GLMN: variants seen among roughly 807,000 people sequenced by gnomAD.
GLMN encodes glomulin, FKBP associated protein.
Under a neutral mutation model 87.8 loss-of-function variants are expected in GLMN, and 75 were observed. The observed-to-expected ratio is 0.85, with a 90% confidence interval of 0.71 to 1.04. The LOEUF is 1.04. GLMN is among the 50% of genes least tolerant of loss of function. The pLI, the probability that GLMN is intolerant of heterozygous loss-of-function variation, is 0.00. For synonymous variants in GLMN, 206 were observed against 221.6 expected (o/e 0.93, Z 0.63); for missense variants, 588 against 658.8 (o/e 0.89, Z 1.18).
chr1:92,282,914 A>G (rs931463173), intron 7 of GLMN, among the ~76,000 whole-genome samples: 7 of 152,340 alleles, frequency 4.6e-5, no homozygotes, highest in African/African-American at 1.7e-4. Context: ...ACACCCTCCC[A>G]AGACTAAACC....
At chr1:92,257,283 C>G (rs1002066448) in intron 16 of GLMN, among the ~76,000 whole-genome samples, 3 of 152,030 alleles carry the variant, frequency 2.0e-5, no homozygotes, top group Non-Finnish European at 2.9e-5. Flanking sequence ...CCATGCTCAT[C>G]GGTAGGAAGA....
intron 7 of GLMN, among the ~76,000 whole-genome samples, chr1:92,273,270 G>GTC (rs1656438175): frequency 6.6e-6 from 1 of 152,104 alleles, no homozygotes; most frequent in Non-Finnish European, 1.5e-5. Context: ...GCTATTCAGC[G>GTC]ACCAGATGCT....
intron 7 of GLMN, 46 bp from the exon 8 acceptor site, chr1:92,271,698 A>C: frequency 2.3e-6 from 3 of 1,298,136 alleles, no homozygotes; most frequent in Non-Finnish European, 3.4e-6. Context: ...AGACTCTAAA[A>C]TGCCCCCCAC....
the GLMN span, among the ~76,000 whole-genome samples, chr1:92,322,428 C>T: frequency 6.6e-6 from 1 of 151,216 alleles, no homozygotes; most frequent in Non-Finnish European, 1.5e-5. Flanking sequence ...CCTGTAATCC[C>T]AGCTACTTGG....
At chr1:92,315,522 C>A in the GLMN span, among the ~76,000 whole-genome samples, 1 of 152,010 alleles carries the variant, frequency 6.6e-6, no homozygotes, top group Non-Finnish European at 1.5e-5. Flanking sequence ...ATTTGCAAAG[C>A]GCAGTAAAGG....
the GLMN span, among the ~76,000 whole-genome samples, chr1:92,304,903 A>G: frequency 6.6e-6 from 1 of 152,096 alleles, no homozygotes; most frequent in Admixed American, 6.6e-5. Flanking sequence ...TGGGAGGCCA[A>G]GGGGGGCGGA....
At chr1:92,279,247 G>A (rs1343105206) in intron 7 of GLMN, among the ~76,000 whole-genome samples, 1 of 152,110 alleles carries the variant, frequency 6.6e-6, no homozygotes, top group Non-Finnish European at 1.5e-5. Flanking sequence ...CGTGAGGTCA[G>A]GAGTTTGAGA....
In GLMN at chr1:92,298,977, C is replaced by G. The variant is rs1368456486; in HGVS notation, c.-83G>C. 2 of 557,502 alleles carry G rather than the reference C, an allele frequency of 3.6e-6. No individual in the cohort carries two copies. Among genetic ancestry groups the G allele is most frequent in the Non-Finnish European group, 6.2e-6 (2 of 323,284 alleles). The allele number at this position is 557,502 out of a possible 1,614,324, so 34.5% of individuals were successfully genotyped here. A position where few individuals can be genotyped will look rare whatever the true frequency, so the allele number is the denominator to read the frequency against. On this transcript the variant is annotated 5_prime_UTR_variant, in exon 1 of 19. Transcript: ENST00000370360. ...GCCGCCACCTCCTCCGGCGTCTTAGCCCGCTCTTCTGGCCCCGCCCCGCGC... is the reference window on the plus strand; with the variant it reads ...GCCGCCACCTCCTCCGGCGTCTTAGGCCGCTCTTCTGGCCCCGCCCCGCGC...
At chr1:92,278,996 T>C (rs72958762) in intron 7 of GLMN, among the ~76,000 whole-genome samples, 1,638 of 152,306 alleles carry the variant, frequency 0.011, 34 homozygotes, top group African/African-American at 0.038. Context: ...TACACCTATT[T>C]TTTCAGTTCA....
At chr1:92,349,460 TG>T in the GLMN span, among the ~76,000 whole-genome samples, 1 of 152,170 alleles carries the variant, frequency 6.6e-6, no homozygotes, top group Non-Finnish European at 1.5e-5. Context: ...GTCTAACTCT[TG>T]TTAAAGGGGG....
chr1:92,255,518 CCCT>C (rs1170438307), intron 16 of GLMN, among the ~76,000 whole-genome samples: 19 of 152,080 alleles, frequency 1.2e-4, no homozygotes, highest in Admixed American at 1.2e-3. Context: ...GTAAAACACT[CCCT>C]CCTCAGCAAA....
intron 7 of GLMN, among the ~76,000 whole-genome samples, chr1:92,282,333 C>A (rs765101283): frequency 3.3e-4 from 51 of 152,292 alleles, no homozygotes; most frequent in Admixed American, 9.2e-4. Context: ...CTCAAAACTG[C>A]ACAACTACAT....
chr1:92,304,210 T>A, the GLMN span: 1 of 1,172,528 alleles, frequency 8.5e-7, no homozygotes, highest in Non-Finnish European at 1.3e-6. Flanking sequence ...GATATGTAGA[T>A]GACTTAATCT....
chr1:92,348,279 C>A, the GLMN span, among the ~76,000 whole-genome samples: 1 of 152,208 alleles, frequency 6.6e-6, no homozygotes, highest in South Asian at 2.1e-4. Flanking sequence ...ATGCCCTAAT[C>A]CCTACCTCTA....
intron 7 of GLMN, among the ~76,000 whole-genome samples, chr1:92,280,705 G>T (rs1037778140): frequency 2.6e-5 from 4 of 151,874 alleles, no homozygotes; most frequent in Non-Finnish European, 4.4e-5. Flanking sequence ...ATCACAAGGA[G>T]GATAAAAACC....
In GLMN at chr1:92,268,009, A is replaced by G. The variant is rs920094946; in HGVS notation, c.1009-7T>C. ...AACTATTCTCCAGCAGCTCCTACAG[A>G]TTAAAATATATGCAGATACATATAT... On this transcript the variant is annotated splice_polypyrimidine_tract_variant and splice_region_variant and intron_variant, in intron 10 of 18. Coordinates refer to ENST00000370360, the MANE Select transcript of GLMN (RefSeq NM_053274.3). 33 of 1,491,152 alleles carry G rather than the reference A, an allele frequency of 2.2e-5. No homozygotes were observed. Among genetic ancestry groups the G allele is most frequent in the Non-Finnish European group, 3.0e-5 (32 of 1,067,710 alleles). The allele number at this position is 1,491,152 out of a possible 1,614,324, so 92.4% of individuals were successfully genotyped here. A position where few individuals can be genotyped will look rare whatever the true frequency, so the allele number is the denominator to read the frequency against.
the GLMN span, among the ~76,000 whole-genome samples, chr1:92,341,171 G>A: frequency 2.0e-5 from 3 of 151,778 alleles, no homozygotes; most frequent in South Asian, 2.1e-4. Flanking sequence ...AGCATGCCCC[G>A]CCAATTTTTG....
At chr1:92,363,807 A>T in the GLMN span, 1 of 272,354 alleles carries the variant, frequency 3.7e-6, no homozygotes, top group Non-Finnish European at 7.3e-6. Flanking sequence ...TTTGCTTAAC[A>T]TTTTTTTTCC....
At chr1:92,299,096 C>T (rs1361877853), upstream of GLMN, 1 of 1,520,674 alleles carries the variant, frequency 6.6e-7, no homozygotes, top group Non-Finnish European at 8.8e-7. Context: ...GCTGGGCCGT[C>T]TTCTGCCGGC....
Sources: allele counts gnomAD v4.1 joint callset (sites outside exome capture counted in the v4.1 genomes callset), GRCh38; gene constraint gnomAD v4.1.1; transcripts MANE v1.5; gene names NCBI Gene and HGNC (gene_info 2026-07-23, HGNC 2026-07-21).